The following PLA2R1 variants were observed in gnomAD, a reference collection of about 807,000 sequenced individuals.
PLA2R1 encodes secretory phospholipase A2 receptor.
PLA2R1 carries 158 observed loss-of-function variants against 195.9 expected under a neutral mutation model. The ratio of observed to expected loss-of-function variants is 0.81; its 90% CI spans 0.71 to 0.92. The LOEUF (loss-of-function observed/expected upper bound fraction) is 0.92, where lower values mean the gene tolerates loss of function less well. Among genes scored for constraint, PLA2R1 ranks in the 40% least tolerant of loss-of-function variants. PLA2R1 has a pLI of 0.00. For missense variants in PLA2R1, 1,626 were observed against 1,764.6 expected, an observed-to-expected ratio of 0.92 and a Z score of 1.41; for synonymous variants, 586 against 598.2, an observed-to-expected ratio of 0.98 and a Z score of 0.30.
chr2:159,943,617 G>A (rs576184727), intron 28 of PLA2R1, among the ~76,000 whole-genome samples: 1 of 152,260 alleles, frequency 6.6e-6, no homozygotes, highest in East Asian at 1.9e-4. Context: ...TTTCCCGTCT[G>A]TAAAATGGGG....
Position 160,033,705 on chromosome 2 carries a change from G to A in PLA2R1, c.668-573C>T, listed in dbSNP as rs139429564. Among the ~76,000 whole-genome samples the A allele has an allele frequency of 1.3e-4, 20 of 152,284 alleles. No individual in the cohort carries two copies. The East Asian group carries it at 3.7e-3, about 28-fold the overall frequency. Reference sequence around the variant, plus strand: ...AAGATCCACTTGTAAGACACTGGCCGAAGATTGCATAGTGTGCTCAAAAGG... The same window carrying A: ...AAGATCCACTTGTAAGACACTGGCCAAAGATTGCATAGTGTGCTCAAAAGG... On this transcript the variant is annotated intron_variant, in intron 3 of 29. Transcript: ENST00000283243.
rs1052707317 is a variant in PLA2R1 at position 159,932,411 on chromosome 2, T to G, written c.*9367A>C. ...ATTAAGGCATGCTCTGTCCTGAAGT[T>G]TGTCCTCAGCCTCCACAGAACCACA... On this transcript the variant is annotated 3_prime_UTR_variant, in exon 30 of 30. Transcript: ENST00000283243. 2 of 152,288 alleles carry G rather than the reference T, an allele frequency of 1.3e-5. No homozygotes were observed. The highest frequency in any genetic ancestry group is 2.9e-5 in the Non-Finnish European group (2 of 68,082). The allele number at this position is 152,288 out of a possible 1,614,324, so 9.4% of individuals were successfully genotyped here. A position where few individuals can be genotyped will look rare whatever the true frequency, so the allele number is the denominator to read the frequency against.
At chr2:159,942,058 T>A in intron 29 of PLA2R1, 66 bp from the exon 30 acceptor site, 1 of 1,556,080 alleles carries the variant, frequency 6.4e-7, no homozygotes, top group Non-Finnish European at 8.9e-7. Context: ...ATAGATACTG[T>A]CATACAGCTG....
chr2:160,016,938 G>C (rs1199099366), intron 8 of PLA2R1, among the ~76,000 whole-genome samples: 2 of 152,186 alleles, frequency 1.3e-5, no homozygotes, highest in Non-Finnish European at 2.9e-5. Context: ...GTGGGCAGGA[G>C]AGAGGGAGCA....
chr2:160,005,971 T>G (rs1243330374), intron 10 of PLA2R1, 150 bp from the exon 11 acceptor site: 2 of 635,298 alleles, frequency 3.1e-6, no homozygotes, highest in Non-Finnish European at 5.6e-6. Context: ...CCAAAGACCC[T>G]GAACATTACT....
intron 6 of PLA2R1, among the ~76,000 whole-genome samples, chr2:160,025,204 T>C (rs890354732): frequency 6.6e-6 from 1 of 152,000 alleles, no homozygotes; most frequent in Non-Finnish European, 1.5e-5. Context: ...AAGTCAAAAT[T>C]GTCAAAAATA....
At chr2:160,018,583 G>A (rs1255005811) in intron 8 of PLA2R1, among the ~76,000 whole-genome samples, 2 of 152,192 alleles carry the variant, frequency 1.3e-5, no homozygotes, top group Admixed American at 6.5e-5. Context: ...AGTAAGCTGA[G>A]ATTGCACCAC....
At chr2:159,990,322 C>A (rs1322739767) in intron 11 of PLA2R1, among the ~76,000 whole-genome samples, 1 of 152,116 alleles carries the variant, frequency 6.6e-6, no homozygotes. Flanking sequence ...TTACCCCCAC[C>A]CCACTCACTC....
chr2:160,060,399 G>A (rs1486607544), intron 1 of PLA2R1, among the ~76,000 whole-genome samples: 5 of 152,136 alleles, frequency 3.3e-5, no homozygotes, highest in African/African-American at 1.2e-4. Context: ...TTTCCATTTT[G>A]TATTGACAGT....
rs767723879 is a variant in PLA2R1 at position 160,032,945 on chromosome 2, A to G, written c.841+14T>C. The G allele has an allele frequency of 4.5e-6, 7 of 1,560,274 alleles. No homozygotes were observed. The South Asian group carries it at 7.9e-5, about 18-fold the overall frequency. On this transcript the variant is annotated intron_variant, in intron 4 of 29. Coordinates refer to ENST00000283243, the MANE Select transcript of PLA2R1 (RefSeq NM_007366.5). Reference sequence around the variant, plus strand: ...TATTGTATCAATATCAATGTGCGTCATCCACCTACTTACCCCTTATGAAAT... The same window carrying G: ...TATTGTATCAATATCAATGTGCGTCGTCCACCTACTTACCCCTTATGAAAT...
At chr2:160,031,237 G>A (rs1305585634) in intron 4 of PLA2R1, among the ~76,000 whole-genome samples, 1 of 152,176 alleles carries the variant, frequency 6.6e-6, no homozygotes, top group Admixed American at 6.5e-5. Flanking sequence ...AATTGGGGAT[G>A]TATGCACAAA....
chr2:159,981,240 T>C (rs1175281517), intron 13 of PLA2R1, among the ~76,000 whole-genome samples: 1 of 151,906 alleles, frequency 6.6e-6, no homozygotes, highest in Admixed American at 6.6e-5. Flanking sequence ...TGTGTGTGTG[T>C]GTGTCTGATT....
At chr2:159,942,300 A>G in intron 28 of PLA2R1, 141 bp from the exon 29 acceptor site, 1 of 647,020 alleles carries the variant, frequency 1.5e-6, no homozygotes, top group Non-Finnish European at 2.7e-6. Flanking sequence ...AGCCACACTC[A>G]TTCATTGATG....
At chr2:159,966,413 G>A (rs1688792387) in intron 20 of PLA2R1, among the ~76,000 whole-genome samples, 1 of 152,126 alleles carries the variant, frequency 6.6e-6, no homozygotes. Flanking sequence ...GTCGTTTAAT[G>A]GGTACAGTTT....
rs186799594 is a variant in PLA2R1 at position 159,943,041 on chromosome 2, G to A, written c.4145-882C>T. 1.0e-3 allele frequency among the ~76,000 whole-genome samples: 155 copies of A among 149,674 alleles called. 1 individual carries two copies. The highest frequency in any genetic ancestry group is 3.5e-3 in the African/African-American group (143 of 40,592). On this transcript the variant is annotated intron_variant, in intron 28 of 29. Transcript: ENST00000283243. ...GGCCAGAGTACAATGGCGTGATCTC[G>A]GCTCACTGCAACCTCTGCCCTGGGT... is the stretch of plus-strand genomic sequence containing the variant.
intron 20 of PLA2R1, among the ~76,000 whole-genome samples, chr2:159,964,118 A>G (rs1258055515): frequency 1.3e-5 from 2 of 152,220 alleles, no homozygotes; most frequent in Non-Finnish European, 2.9e-5. Context: ...AACCTTGAAA[A>G]CATCATGCGA....
rs1687288315 is a variant in PLA2R1, at chr2:159,944,924, TA to T, written c.4125del (p.Phe1375LeufsTer31). ...TACCTACCTGCCTCCATTTTACATATAAAGCCTTTTTTTTCTTGACACGGGG... is the reference window on the plus strand; with the variant it reads ...TACCTACCTGCCTCCATTTTACATATAAGCCTTTTTTTTCTTGACACGGGG... ...QLSPCQEKKG[F>X]ICKMEADIHT... On this transcript the variant is annotated frameshift_variant, in exon 28 of 30. Transcript: ENST00000283243. LOFTEE classifies it high-confidence loss of function. 1 of 1,612,778 alleles carries T rather than the reference TA, an allele frequency of 6.2e-7. No individual in the cohort carries two copies. The highest frequency in any genetic ancestry group is 1.3e-5 in the African/African-American group (1 of 74,872).
intron 9 of PLA2R1, among the ~76,000 whole-genome samples, chr2:160,014,804 C>T (rs939505875): frequency 2.0e-5 from 3 of 152,142 alleles, no homozygotes; most frequent in African/African-American, 7.2e-5. Context: ...CACTTCTATT[C>T]CCAATCTTCT....
At position 159,989,397 on chromosome 2, in the gene PLA2R1, T is replaced by C. The variant is rs572073369; in HGVS notation, c.1835-2039A>G. On this transcript the variant is annotated intron_variant, in intron 11 of 29. Transcript: ENST00000283243. Reference sequence around the variant, plus strand: ...ATGCAATATACTTGTGGAGCTGCTCTAGTTGAAAGAGAAGGGAACGCACAC... The same window carrying C: ...ATGCAATATACTTGTGGAGCTGCTCCAGTTGAAAGAGAAGGGAACGCACAC... Among the ~76,000 whole-genome samples the C allele has an allele frequency of 5.9e-5, 9 of 152,300 alleles. No homozygotes were observed. In the South Asian group the frequency reaches 8.3e-4, roughly 14 times the overall value.
Sources: gnomAD v4.1 joint callset for allele counts (sites outside exome capture counted in the v4.1 genomes callset) on GRCh38, gnomAD v4.1.1 for gene constraint, MANE v1.5 for transcripts, NCBI Gene and HGNC (gene_info 2026-07-23, HGNC 2026-07-21) for gene names.